Variants in DUXA observed in about 807,000 individuals in gnomAD.
DUXA encodes double homeobox protein A.
DUXA carries 25 observed loss-of-function variants against 27.5 expected under a neutral mutation model. The observed-to-expected ratio is 0.91, with a 90% CI of 0.66 to 1.27. DUXA has a LOEUF of 1.27. Ranked by LOEUF, DUXA falls within the 50% of genes most tolerant of loss-of-function variation. The pLI is 0.00. For synonymous variants in DUXA, 90 were observed against 80.5 expected, an observed-to-expected ratio of 1.12 and a Z score of -0.63; for missense variants, 247 against 242.9, an observed-to-expected ratio of 1.02 and a Z score of -0.11.
intron 1 of DUXA, among the ~76,000 whole-genome samples, chr19:57,163,100 A>T (rs1020657416): frequency 1.3e-5 from 2 of 151,806 alleles, no homozygotes; most frequent in Non-Finnish European, 2.9e-5. Context: ...TCTAACTTCC[A>T]TCTGACCCCC....
chr19:57,167,384 C>T (rs1473517278), intron 1 of DUXA, 35 bp downstream of exon 1: 2 of 1,611,494 alleles, frequency 1.2e-6, no homozygotes, highest in Admixed American at 3.4e-5. Context: ...TTTCCCCAAA[C>T]CAACAAAAGC....
At chr19:57,160,091 C>A (rs1196657823) in intron 2 of DUXA, among the ~76,000 whole-genome samples, 2 of 151,912 alleles carry the variant, frequency 1.3e-5, no homozygotes, top group African/African-American at 2.4e-5. Flanking sequence ...GACGACACAG[C>A]GAGACTCTGT....
At chr19:57,159,125 A>C in intron 3 of DUXA, 42 bp downstream of exon 3, 48 of 1,556,654 alleles carry the variant, frequency 3.1e-5, no homozygotes, top group Non-Finnish European at 3.8e-5. Context: ...GCTCCGCCGT[A>C]GAGAAGCTCT....
chr19:57,155,337 G>C lies in DUXA; in HGVS notation c.474C>G (p.Leu158=), dbSNP rs761814715. 6.2e-7 allele frequency: 1 copy of C among 1,614,166 alleles called. No individual in the cohort carries two copies. The highest frequency in any genetic ancestry group is 2.2e-5 in the East Asian group (1 of 44,878). ...WFQNRRSRLL[L]QRKREPVASL... Reference sequence around the variant, plus strand: ...ACGCCACAGGTTCCCTTTTTCTCTGGAGAAGTAATCTAGATCTTCGATTTT... The same window carrying C: ...ACGCCACAGGTTCCCTTTTTCTCTGCAGAAGTAATCTAGATCTTCGATTTT... The change falls in exon 5 of 6, where the codon CTC becomes CTG. Residue 158 remains leucine (L), a synonymous_variant. Transcript: ENST00000554048.
rs1306049861 is a variant in DUXA at position 57,160,764 on chromosome 19, G to A, written c.59C>T (p.Thr20Ile). 2 of 1,614,136 alleles carry A rather than the reference G, an allele frequency of 1.2e-6. No individual in the cohort carries two copies. ...TTTCAACTGTTCTTCTGTGAATTTTGTGCGACAGCGCCTATGATTTGTTTT... is the reference window on the plus strand; with the variant it reads ...TTTCAACTGTTCTTCTGTGAATTTTATGCGACAGCGCCTATGATTTGTTTT... ...MVKTNHRRCRTKFTEEQLKIL... is the reference protein window; with the variant it reads ...MVKTNHRRCRIKFTEEQLKIL... Residue 20 changes from threonine (T) to isoleucine (I), a missense_variant, in exon 2 of 6, where the codon ACA (threonine) becomes ATA (isoleucine). Thr to Ile is a moderately conservative substitution (Grantham distance 89). Coordinates refer to ENST00000554048, the MANE Select transcript of DUXA (RefSeq NM_001012729.2).
intron 4 of DUXA, among the ~76,000 whole-genome samples, chr19:57,155,813 C>T (rs543407904): frequency 3.3e-5 from 5 of 152,112 alleles, no homozygotes; most frequent in East Asian, 3.9e-4. Context: ...GGATTATAGG[C>T]GCCAACCACC....
chr19:57,161,796 G>A (rs1057078273), intron 1 of DUXA, among the ~76,000 whole-genome samples: 2 of 152,112 alleles, frequency 1.3e-5, no homozygotes, highest in African/African-American at 2.4e-5. Flanking sequence ...CCATAGAAAC[G>A]AAGAGTTTGT....
chr19:57,155,044 G>A (rs1202858835), intron 5 of DUXA, among the ~76,000 whole-genome samples: 2 of 152,250 alleles, frequency 1.3e-5, no homozygotes, highest in Non-Finnish European at 2.9e-5. Flanking sequence ...TTGTATCCAT[G>A]GGGTTGCTGG....
intron 2 of DUXA, 85 bp downstream of exon 2, chr19:57,160,558 C>T (rs1479982170): frequency 1.3e-6 from 2 of 1,502,692 alleles, no homozygotes; most frequent in African/African-American, 2.8e-5. Flanking sequence ...GCCCTCAGCA[C>T]ATGGGTACAT....
chr19:57,154,525 CT>C, intron 5 of DUXA, 43 bp from the exon 6 acceptor site: 2 of 1,476,604 alleles, frequency 1.4e-6, no homozygotes, highest in Non-Finnish European at 1.9e-6. Context: ...AAGAGATCAG[CT>C]TATATTCACA....
rs576272316 is a variant in DUXA, at chr19:57,160,540, C to T, written c.180+103G>A. Reference sequence around the variant, plus strand: ...TTATTGAGGGTCAGTTGAGATACTCCCTACCAAGCCCTCAGCACATGGGTA... The same window carrying T: ...TTATTGAGGGTCAGTTGAGATACTCTCTACCAAGCCCTCAGCACATGGGTA... On this transcript the variant is annotated intron_variant, in intron 2 of 5. Coordinates refer to ENST00000554048, the MANE Select transcript of DUXA (RefSeq NM_001012729.2). 6.2e-5 allele frequency: 85 copies of T among 1,370,942 alleles called. 2 individuals carry two copies. The South Asian group carries it at 1.1e-3, about 17-fold the overall frequency. 84.9% of individuals were successfully genotyped at this position (1,370,942 alleles called of 1,614,324 possible).
At chr19:57,160,317 C>G (rs2087014062) in intron 2 of DUXA, among the ~76,000 whole-genome samples, 1 of 152,238 alleles carries the variant, frequency 6.6e-6, no homozygotes, top group South Asian at 2.1e-4. Flanking sequence ...TCTTCACAAT[C>G]TGCTGCCAAC....
chr19:57,160,698 T>C lies in DUXA; in HGVS notation c.125A>G (p.Tyr42Cys), dbSNP rs755239672. 4 of 1,613,998 alleles carry C rather than the reference T, an allele frequency of 2.5e-6. No individual in the cohort carries two copies. The African/African-American group carries it at 4.0e-5, about 16-fold the overall frequency. Residue 42 changes from tyrosine (Y) to cysteine (C), a missense_variant, in exon 2 of 6, where the codon TAT (tyrosine) becomes TGT (cysteine). Coordinates refer to ENST00000554048, the MANE Select transcript of DUXA (RefSeq NM_001012729.2). The stretch of plus-strand genomic sequence containing the variant: ...TAAAGCAAGTTTTTGTTTGGTAGCA[T>C]AACCTGGGTAAGGCTTTTGATTGAA... ...NTFNQKPYPG[Y>C]ATKQKLALEI... is the part of the protein sequence containing the mutation.
intron 1 of DUXA, among the ~76,000 whole-genome samples, chr19:57,166,126 G>A (rs1018384772): frequency 3.9e-5 from 6 of 152,108 alleles, no homozygotes; most frequent in African/African-American, 1.4e-4. Context: ...CCCTGGGCTG[G>A]GACGCTGCCT....
intron 1 of DUXA, among the ~76,000 whole-genome samples, chr19:57,163,263 C>T (rs1376236479): frequency 1.3e-5 from 2 of 152,084 alleles, no homozygotes; most frequent in African/African-American, 2.4e-5. Context: ...CGGTCTAAGG[C>T]AGTCCACACC....
At position 57,158,396 on chromosome 19, in the gene DUXA, GGTTTTTCATAAATGCCTTGATGAGA is replaced by G; in HGVS notation, c.345_369del (p.Leu116HisfsTer45). 1 of 1,613,468 alleles carries G rather than the reference GGTTTTTCATAAATGCCTTGATGAGA, an allele frequency of 6.2e-7. No individual in the cohort carries two copies. The highest frequency in any genetic ancestry group is 8.5e-7 in the Non-Finnish European group (1 of 1,180,000). On this transcript the variant is annotated frameshift_variant, in exon 4 of 6. Coordinates refer to ENST00000554048, the MANE Select transcript of DUXA (RefSeq NM_001012729.2). LOFTEE classifies it high-confidence loss of function. ...TCTCTGGAATCAATCCCAGGATATGGGTTTTTCATAAATGCCTTGATGAGAGTGTGTAACTGAGAGGCGCTGTAGG... is the reference window on the plus strand; with the variant it reads ...TCTCTGGAATCAATCCCAGGATATGGGTGTGTAACTGAGAGGCGCTGTAGG...
At chr19:57,162,966 A>G (rs2087032090) in intron 1 of DUXA, among the ~76,000 whole-genome samples, 1 of 151,824 alleles carries the variant, frequency 6.6e-6, no homozygotes, top group East Asian at 1.9e-4. Flanking sequence ...ATTACCCATC[A>G]TTCCTCTTGA....
intron 5 of DUXA, among the ~76,000 whole-genome samples, chr19:57,154,952 C>T (rs1278339982): frequency 6.6e-6 from 1 of 152,336 alleles, no homozygotes; most frequent in African/African-American, 2.4e-5. Flanking sequence ...AGGATTCATT[C>T]CTCCTCTCAC....
intron 1 of DUXA, among the ~76,000 whole-genome samples, chr19:57,162,192 C>T (rs1460787897): frequency 6.6e-6 from 1 of 152,146 alleles, no homozygotes; most frequent in African/African-American, 2.4e-5. Context: ...CTGGCCGGAG[C>T]ATATTTTTTT....
Sources: gnomAD v4.1 joint callset for allele counts (sites outside exome capture counted in the v4.1 genomes callset) on GRCh38, gnomAD v4.1.1 for gene constraint, MANE v1.5 for transcripts, NCBI Gene and HGNC (gene_info 2026-07-23, HGNC 2026-07-21) for gene names.